The following CACNA1E variants were observed in gnomAD, a reference collection of about 807,000 sequenced individuals.
CACNA1E encodes the protein calcium voltage-gated channel subunit alpha1 E, also known as voltage-dependent R-type calcium channel subunit alpha-1E.
In CACNA1E, 40 loss-of-function variants were observed where a neutral mutation model predicts 259.2. The ratio of observed to expected loss-of-function variants is 0.15; its 90% CI spans 0.12 to 0.20. The LOEUF is 0.20. CACNA1E is among the 10% of genes least tolerant of loss of function. The probability of loss-of-function intolerance (pLI) is 1.00; values close to 1 mark genes in which losing one functional copy is unlikely to be tolerated. For missense variants in CACNA1E, 1,874 were observed against 3,040.1 expected, an observed-to-expected ratio of 0.62 and a Z score of 9.02; for synonymous variants, 1,104 against 1,138.5, an observed-to-expected ratio of 0.97 and a Z score of 0.61.
chr1:181,470,988 A>G (rs773967971), intron 2 of CACNA1E, among the ~76,000 whole-genome samples: 3 of 152,200 alleles, frequency 2.0e-5, no homozygotes, highest in Admixed American at 6.5e-5. Flanking sequence ...ACAGTTACGG[A>G]GCCTGGGAAG....
chr1:181,418,565 A>G (rs576854095), intron 2 of CACNA1E, among the ~76,000 whole-genome samples: 2 of 152,150 alleles, frequency 1.3e-5, no homozygotes, highest in South Asian at 2.1e-4. Context: ...CTTATTCACC[A>G]TCTTTACTTG....
chr1:181,446,197 C>T (rs1660779325), intron 2 of CACNA1E, among the ~76,000 whole-genome samples: 1 of 152,174 alleles, frequency 6.6e-6, no homozygotes. Flanking sequence ...GAGGATGTGG[C>T]AGGGGCCATT....
chr1:181,603,298 A>G (rs1653911225), intron 6 of CACNA1E, among the ~76,000 whole-genome samples: 2 of 152,134 alleles, frequency 1.3e-5, no homozygotes, highest in South Asian at 2.1e-4. Context: ...TTATATTCCC[A>G]TTTTACAGTT....
chr1:181,651,078 T>C lies in CACNA1E; in HGVS notation c.952-260T>C, dbSNP rs3845440. On this transcript the variant is annotated intron_variant, in intron 6 of 47. Coordinates refer to ENST00000367573, the MANE Select transcript of CACNA1E (RefSeq NM_001205293.3). ...TGGAAAAGTATCTGACCTTTCTGTA[T>C]TGTCTTCTCATGTGCTAAGCAAGAG... 0.034 allele frequency among the ~76,000 whole-genome samples: 5,242 copies of C among 152,308 alleles called. 148 individuals are homozygous for C. The highest frequency in any genetic ancestry group is 0.072 in the African/African-American group (2,986 of 41,560).
At position 181,576,080 on chromosome 1, in the gene CACNA1E, A is replaced by G. The variant is rs190009129; in HGVS notation, c.513-1686A>G. Among the ~76,000 whole-genome samples, 571 of 152,276 alleles carry G rather than the reference A, an allele frequency of 3.7e-3. 3 individuals carry two copies. Among genetic ancestry groups the G allele is most frequent in the African/African-American group, 0.012 (505 of 41,562 alleles). On this transcript the variant is annotated intron_variant, in intron 3 of 47. Transcript: ENST00000367573. ...GAGTGTGGAAGACTCCACTGCCCCA[A>G]GTCCCCCCGTTTCTGACGACGGCAT... is the stretch of plus-strand genomic sequence containing the variant.
In CACNA1E at chr1:181,758,374, T is replaced by G. The variant is rs148141597; in HGVS notation, c.4494+263T>G. Among the ~76,000 whole-genome samples the G allele has an allele frequency of 3.7e-3, 559 of 152,010 alleles. 4 individuals are homozygous for G. Among genetic ancestry groups the G allele is most frequent in the African/African-American group, 0.013 (534 of 41,452 alleles). ...AATGGGAGGCAGCTTCAGACAAGGG[T>G]GGAAAAATCAGGAGACAGAGATCCA... On this transcript the variant is annotated intron_variant, in intron 31 of 47. Coordinates refer to ENST00000367573, the MANE Select transcript of CACNA1E (RefSeq NM_001205293.3). This position sits in a 1 kb window ranked among gnomAD's most constrained non-coding sequence, Gnocchi z 4.2.
chr1:181,590,136 C>T (rs530772686), intron 6 of CACNA1E, among the ~76,000 whole-genome samples: 10 of 152,262 alleles, frequency 6.6e-5, no homozygotes, highest in South Asian at 2.1e-4. Flanking sequence ...GAAGCTTCAG[C>T]TGCAGCTTTC....
intron 7 of CACNA1E, among the ~76,000 whole-genome samples, chr1:181,659,135 A>G (rs1026268742): frequency 5.9e-5 from 9 of 152,046 alleles, no homozygotes; most frequent in African/African-American, 1.9e-4. Flanking sequence ...GCAGAGAGAG[A>G]CAGAAATTAA....
chr1:181,541,104 T>C (rs1473816563), intron 3 of CACNA1E, among the ~76,000 whole-genome samples: 3 of 152,192 alleles, frequency 2.0e-5, no homozygotes, highest in Non-Finnish European at 4.4e-5. Flanking sequence ...TAAATAAATC[T>C]GTATGTTTTT....
At chr1:181,434,071 A>T (rs1293427284) in intron 2 of CACNA1E, among the ~76,000 whole-genome samples, 1 of 152,156 alleles carries the variant, frequency 6.6e-6, no homozygotes, top group African/African-American at 2.4e-5. Context: ...ATCTAAGATG[A>T]GCTGGGCTTG....
Position 181,720,873 on chromosome 1 carries a change from G to C in CACNA1E, c.1956+18G>C, listed in dbSNP as rs780394401. The C allele has an allele frequency of 1.3e-6, 2 of 1,556,902 alleles. No individual in the cohort carries two copies. The highest frequency in any genetic ancestry group is 1.8e-6 in the Non-Finnish European group (2 of 1,130,444). On this transcript the variant is annotated intron_variant, in intron 15 of 47. Transcript: ENST00000367573. ...TGTTCCAGGTATGAGGCCAGCTGAC[G>C]GTTCACAAGTGCTGCATGGGGTCCC...
At chr1:181,430,613 G>A (rs1008483032) in intron 2 of CACNA1E, among the ~76,000 whole-genome samples, 1 of 152,170 alleles carries the variant, frequency 6.6e-6, no homozygotes, top group African/African-American at 2.4e-5. Context: ...AAGAACAAAG[G>A]CTGCTATGTT....
At position 181,687,178 on chromosome 1, in the gene CACNA1E, G is replaced by A. The variant is rs1048767371; in HGVS notation, c.1056-23776G>A. ...GTGGCAGATGGGAGCCGAGACCCTG[G>A]AGTCATTGGGGCAGCAGTTGCCTGA... is the stretch of plus-strand genomic sequence containing the variant. On this transcript the variant is annotated intron_variant, in intron 7 of 47. Coordinates refer to ENST00000367573, the MANE Select transcript of CACNA1E (RefSeq NM_001205293.3). Among the ~76,000 whole-genome samples, 31 of 152,148 alleles carry A rather than the reference G, an allele frequency of 2.0e-4. 1 individual carries two copies. The highest frequency in any genetic ancestry group is 7.5e-4 in the African/African-American group (31 of 41,448).
chr1:181,395,089 G>A (rs1656572256), intron 1 of CACNA1E, among the ~76,000 whole-genome samples: 1 of 152,180 alleles, frequency 6.6e-6, no homozygotes, highest in African/African-American at 2.4e-5. Flanking sequence ...GGGTAAGGGT[G>A]GAAATAGGGA....
chr1:181,745,445 C>T (rs1488400023), intron 25 of CACNA1E: 3 of 419,910 alleles, frequency 7.1e-6, no homozygotes, highest in Non-Finnish European at 1.4e-5. Flanking sequence ...GGGAACACTG[C>T]CCCATCCACA....
At chr1:181,539,191 G>C (rs552205852) in intron 3 of CACNA1E, among the ~76,000 whole-genome samples, 3 of 151,960 alleles carry the variant, frequency 2.0e-5, no homozygotes, top group Admixed American at 6.6e-5. Flanking sequence ...TCTATTTTCC[G>C]TTACTCGTTG....
intron 21 of CACNA1E, among the ~76,000 whole-genome samples, chr1:181,735,585 G>C (rs958322989): frequency 6.6e-6 from 1 of 152,174 alleles, no homozygotes; most frequent in Admixed American, 6.5e-5. Flanking sequence ...AGCTCCCCTC[G>C]ACCTCTGGCT....
In CACNA1E at chr1:181,637,430, C is replaced by T. The variant is rs1044228989; in HGVS notation, c.952-13908C>T. Among the ~76,000 whole-genome samples, 143 of 37,918 alleles carry T rather than the reference C, an allele frequency of 3.8e-3. 1 individual carries two copies. The highest frequency in any genetic ancestry group is 9.7e-3 in the African/African-American group (138 of 14,194). The allele number at this position is 37,918 out of a possible 152,430, so 24.9% of individuals were successfully genotyped here. Reference sequence around the variant, plus strand: ...TTCCTCCCTCCCTCCCTCCTTCCCTCCTTCCCTCCCTCCCTCCCTCCCTCC... The same window carrying T: ...TTCCTCCCTCCCTCCCTCCTTCCCTTCTTCCCTCCCTCCCTCCCTCCCTCC... On this transcript the variant is annotated intron_variant, in intron 6 of 47. Coordinates refer to ENST00000367573, the MANE Select transcript of CACNA1E (RefSeq NM_001205293.3).
intron 46 of CACNA1E, among the ~76,000 whole-genome samples, chr1:181,795,822 A>G (rs1457810371): frequency 6.9e-6 from 1 of 145,542 alleles, no homozygotes; most frequent in African/African-American, 2.5e-5. Flanking sequence ...TATTGGATAA[A>G]GGAATCAAAG....
Sources: gnomAD v4.1 joint callset for allele counts (sites outside exome capture counted in the v4.1 genomes callset) on GRCh38, gnomAD v4.1.1 for gene constraint, Gnocchi (gnomAD v3.1) non-coding constraint, MANE v1.5 for transcripts, NCBI Gene and HGNC (gene_info 2026-07-23, HGNC 2026-07-21) for gene names.